The following GRK3 variants were observed in gnomAD, a reference collection of about 807,000 sequenced individuals.
GRK3 encodes the protein G protein-coupled receptor kinase 3.
In GRK3, 54 loss-of-function variants were observed where a neutral mutation model predicts 95.7. The ratio of observed to expected loss-of-function variants is 0.56; its 90% CI spans 0.45 to 0.71. GRK3 has a LOEUF of 0.71. Among genes scored for constraint, GRK3 ranks in the 30% least tolerant of loss-of-function variants. GRK3 has a pLI of 0.00. For missense variants in GRK3, 649 were observed against 851.2 expected (o/e 0.76, Z 2.96); for synonymous variants, 281 against 290.8 (o/e 0.97, Z 0.34).
At chr22:25,706,359 A>G (rs2085299768) in intron 15 of GRK3, among the ~76,000 whole-genome samples, 1 of 151,888 alleles carries the variant, frequency 6.6e-6, no homozygotes, top group African/African-American at 2.4e-5. Flanking sequence ...CTCATCCCCC[A>G]GCCACACACA....
At chr22:25,685,789 G>C (rs752658712) in intron 10 of GRK3, among the ~76,000 whole-genome samples, 1 of 151,856 alleles carries the variant, frequency 6.6e-6, no homozygotes, top group Non-Finnish European at 1.5e-5. Context: ...GATACTAGAA[G>C]GTGTCATGGT....
chr22:25,723,151 A>C lies in GRK3; in HGVS notation c.*701A>C, dbSNP rs901044277. 2 of 152,268 alleles carry C rather than the reference A, an allele frequency of 1.3e-5. No individual in the cohort carries two copies. The highest frequency in any genetic ancestry group is 4.8e-5 in the African/African-American group (2 of 41,426). The allele number at this position is 152,268 out of a possible 1,614,324, so 9.4% of individuals were successfully genotyped here. ...TCCGTCCATCATTGGAAAGATTTACAGTGATTCTGAAGGACAGGCCGTGGA... is the reference window on the plus strand; with the variant it reads ...TCCGTCCATCATTGGAAAGATTTACCGTGATTCTGAAGGACAGGCCGTGGA... On this transcript the variant is annotated 3_prime_UTR_variant, in exon 21 of 21. Coordinates refer to ENST00000324198, the MANE Select transcript of GRK3 (RefSeq NM_005160.4).
intron 2 of GRK3, among the ~76,000 whole-genome samples, chr22:25,604,699 T>C (rs917331724): frequency 1.3e-5 from 2 of 152,270 alleles, no homozygotes; most frequent in African/African-American, 4.8e-5. Context: ...CGTTGCTGAA[T>C]GTAAGAGAAT....
chr22:25,663,688 C>T lies in GRK3; in HGVS notation c.425C>T (p.Thr142Ile). 4.3e-6 allele frequency: 7 copies of T among 1,610,260 alleles called. No individual in the cohort carries two copies. The highest frequency in any genetic ancestry group is 5.9e-6 in the Non-Finnish European group (7 of 1,177,388). Residue 142 changes from threonine to isoleucine, a missense_variant, in exon 5 of 21, where the codon ACA (threonine) becomes ATA (isoleucine). Transcript: ENST00000324198. ...AGTCATTTATCCAAGAAACAAGTGA[C>T]ATCAACTCTTTTTCAGGTAAGATAA... is the stretch of plus-strand genomic sequence containing the variant. ...VQSHLSKKQV[T>I]STLFQPYIEE...
chr22:25,670,215 C>A (rs531335791), intron 6 of GRK3, among the ~76,000 whole-genome samples: 2 of 152,116 alleles, frequency 1.3e-5, no homozygotes, highest in Non-Finnish European at 2.9e-5. Flanking sequence ...GTCTATTGGT[C>A]GGGTGTGGTG....
chr22:25,703,609 A>G lies in GRK3; in HGVS notation c.1227+33A>G, dbSNP rs776475355. ...GATTCAAAACTGTATTCTTGTCTGT[A>G]TGGTAATTGTCATGCTTCATTCCGT... On this transcript the variant is annotated intron_variant, in intron 14 of 20. Coordinates refer to ENST00000324198, the MANE Select transcript of GRK3 (RefSeq NM_005160.4). The G allele has an allele frequency of 7.8e-5, 114 of 1,458,210 alleles. 4 individuals carry two copies. The South Asian group carries it at 1.2e-3, about 15-fold the overall frequency. 90.3% of individuals were successfully genotyped at this position (1,458,210 alleles called of 1,614,324 possible).
At chr22:25,667,831 T>C in intron 6 of GRK3, 31 bp downstream of exon 6, 1 of 1,310,968 alleles carries the variant, frequency 7.6e-7, no homozygotes, top group Non-Finnish European at 1.1e-6. Flanking sequence ...ATATACACAA[T>C]TTTTTATCAT....
chr22:25,701,941 A>G (rs745571831), intron 13 of GRK3, among the ~76,000 whole-genome samples: 15 of 152,226 alleles, frequency 9.9e-5, no homozygotes, highest in Non-Finnish European at 1.6e-4. Flanking sequence ...ATTATAAATA[A>G]CAGATATTGT....
chr22:25,597,266 A>G (rs2084378725), intron 1 of GRK3, among the ~76,000 whole-genome samples: 2 of 152,186 alleles, frequency 1.3e-5, no homozygotes, highest in Non-Finnish European at 2.9e-5. Flanking sequence ...GAATTTTCCA[A>G]AATCAGTGAA....
At chr22:25,610,967 T>C (rs1242729899) in intron 2 of GRK3, among the ~76,000 whole-genome samples, 1 of 152,164 alleles carries the variant, frequency 6.6e-6, no homozygotes, top group Non-Finnish European at 1.5e-5. Context: ...GTTCAAATGA[T>C]TCTCGTGCCT....
chr22:25,685,799 T>G (rs140823710), intron 10 of GRK3, among the ~76,000 whole-genome samples: 117 of 152,080 alleles, frequency 7.7e-4, no homozygotes, highest in African/African-American at 2.8e-3. Context: ...GGTGTCATGG[T>G]ATATATCTAA....
In GRK3 at chr22:25,690,340, G is replaced by A. The variant is rs942238666; in HGVS notation, c.1052+57G>A. 78 of 1,266,800 alleles carry A rather than the reference G, an allele frequency of 6.2e-5. 1 individual carries two copies. Among genetic ancestry groups the A allele is most frequent in the African/African-American group, 1.0e-4 (7 of 67,554 alleles). 78.5% of individuals were successfully genotyped at this position (1,266,800 alleles called of 1,614,324 possible). On this transcript the variant is annotated intron_variant, in intron 12 of 20. Transcript: ENST00000324198. ...ATTTCTCTCCTGCCCTTTCAAAGGC[G>A]TGGCCATTTGTCACCCCATTTCTCT...
Position 25,604,377 on chromosome 22 carries a change from T to C in GRK3, c.114T>C (p.Ser38=). 6.2e-7 allele frequency: 1 copy of C among 1,608,348 alleles called. No individual in the cohort carries two copies. The highest frequency in any genetic ancestry group is 8.5e-7 in the Non-Finnish European group (1 of 1,177,340). Reference sequence around the variant, plus strand: ...AAAATGTGTCACTCTTCCCTTCCAGTATCCGGAGTGTGATGCAGAAGTACC... The same window carrying C: ...AAAATGTGTCACTCTTCCCTTCCAGCATCCGGAGTGTGATGCAGAAGTACC... The part of the protein sequence containing the change: ...ASKRIVLPEP[S]IRSVMQKYLA... Residue 38 remains serine (S), a splice_region_variant and synonymous_variant, in exon 2 of 21, where the codon AGT becomes AGC. Transcript: ENST00000324198.
At chr22:25,573,138 C>G (rs903441958) in intron 1 of GRK3, among the ~76,000 whole-genome samples, 5 of 152,188 alleles carry the variant, frequency 3.3e-5, no homozygotes, top group African/African-American at 1.2e-4. Flanking sequence ...CTCAAGATGC[C>G]TTTTATAGGA....
intron 12 of GRK3, 117 bp from the exon 13 acceptor site, chr22:25,694,990 C>A (rs776690330): frequency 1.6e-6 from 1 of 641,970 alleles, no homozygotes; most frequent in African/African-American, 1.8e-5. Flanking sequence ...ACAACTGTCC[C>A]CTCTCCTTTG....
chr22:25,691,058 C>G lies in GRK3; in HGVS notation c.1052+775C>G, dbSNP rs186894081. ...GTACTCGGGGTTGTTAAAAAGACAG[C>G]AGGACTAGGGCAGTTCCCCCGGGGC... On this transcript the variant is annotated intron_variant, in intron 12 of 20. Coordinates refer to ENST00000324198, the MANE Select transcript of GRK3 (RefSeq NM_005160.4). 6.9e-4 allele frequency among the ~76,000 whole-genome samples: 105 copies of G among 152,268 alleles called. 1 individual carries two copies. Among genetic ancestry groups the G allele is most frequent in the Non-Finnish European group, 1.2e-3 (84 of 68,016 alleles).
At position 25,685,241 on chromosome 22, in the gene GRK3, G is replaced by T; in HGVS notation, c.819G>T (p.Leu273=). The T allele has an allele frequency of 6.2e-7, 1 of 1,612,336 alleles. No homozygotes were observed. Among genetic ancestry groups the T allele is most frequent in the Non-Finnish European group, 8.5e-7 (1 of 1,178,460 alleles). ...ATAAACTCTGCTTCATCCTGGATCT[G>T]ATGAACGGTAAGCAAAACTTGGAAA... ...TPDKLCFILD[L]MNGGDLHYHL... The change falls in exon 10 of 21, where the codon CTG becomes CTT. Residue 273 remains leucine, a synonymous_variant. Coordinates refer to ENST00000324198, the MANE Select transcript of GRK3 (RefSeq NM_005160.4).
chr22:25,572,428 G>A (rs930841425), intron 1 of GRK3, among the ~76,000 whole-genome samples: 7 of 152,104 alleles, frequency 4.6e-5, no homozygotes, highest in African/African-American at 7.2e-5. Context: ...TTGAGGAATC[G>A]CCACAGTCTT....
chr22:25,668,415 C>T (rs760080034), intron 6 of GRK3, among the ~76,000 whole-genome samples: 5 of 152,172 alleles, frequency 3.3e-5, no homozygotes, highest in Non-Finnish European at 7.3e-5. Flanking sequence ...AGACAATATA[C>T]GTGATGATAA....
Sources: allele counts gnomAD v4.1 joint callset (sites outside exome capture counted in the v4.1 genomes callset), GRCh38; gene constraint gnomAD v4.1.1; transcripts MANE v1.5; gene names NCBI Gene and HGNC (gene_info 2026-07-23, HGNC 2026-07-21).